Variants in SESTD1 observed in about 807,000 individuals in gnomAD.
SESTD1 encodes the protein SEC14 domain and spectrin repeat-containing protein 1.
Under a neutral mutation model 101.7 loss-of-function variants are expected in SESTD1, and 43 were observed. That is an observed-to-expected ratio of 0.42 (90% CI 0.33 to 0.55). The LOEUF (loss-of-function observed/expected upper bound fraction) is 0.55. Ranked by LOEUF, SESTD1 falls within the 20% of genes least tolerant of loss-of-function variation. The pLI, the probability that SESTD1 is intolerant of heterozygous loss-of-function variation, is 0.07. For synonymous variants in SESTD1, 283 were observed against 286.8 expected (o/e 0.99, Z 0.13); for missense variants, 647 against 815.1 (o/e 0.79, Z 2.51).
chr2:179,235,313 T>C (rs193061884), intron 1 of SESTD1, among the ~76,000 whole-genome samples: 34 of 152,350 alleles, frequency 2.2e-4, no homozygotes, highest in Admixed American at 2.2e-3. Flanking sequence ...AAACAAATAC[T>C]GTCTCATGAA....
intron 1 of SESTD1, among the ~76,000 whole-genome samples, chr2:179,238,460 G>A (rs1391583123): frequency 6.6e-6 from 1 of 152,018 alleles, no homozygotes; most frequent in Non-Finnish European, 1.5e-5. Flanking sequence ...AAAAGTTACA[G>A]CTTATACATT....
intron 1 of SESTD1, among the ~76,000 whole-genome samples, chr2:179,227,100 T>C (rs1416189049): frequency 6.6e-6 from 1 of 152,236 alleles, no homozygotes; most frequent in African/African-American, 2.4e-5. Flanking sequence ...TAAAGCCTTC[T>C]TTATGCTGAG....
chr2:179,112,005 C>T (rs1350031331), intron 17 of SESTD1, among the ~76,000 whole-genome samples: 2 of 152,222 alleles, frequency 1.3e-5, no homozygotes, highest in Non-Finnish European at 2.9e-5. Flanking sequence ...AGGCGTGAGC[C>T]ACCACGCCCG....
In SESTD1 at chr2:179,205,070, C is replaced by T. The variant is rs1466666021; in HGVS notation, c.-25-13204G>A. Reference sequence around the variant, plus strand: ...CTTCTCATCAATTCTGTAAATTATACAAAATAAATCCCTTTTCTCCTTAAG... The same window carrying T: ...CTTCTCATCAATTCTGTAAATTATATAAAATAAATCCCTTTTCTCCTTAAG... On this transcript the variant is annotated intron_variant, in intron 1 of 17. Transcript: ENST00000428443. Among the ~76,000 whole-genome samples the T allele has an allele frequency of 1.5e-5, 2 of 134,394 alleles. 1 individual carries two copies. The highest frequency in any genetic ancestry group is 3.2e-5 in the Non-Finnish European group (2 of 62,642). 88.2% of individuals were successfully genotyped at this position (134,394 alleles called of 152,430 possible).
intron 10 of SESTD1, among the ~76,000 whole-genome samples, chr2:179,131,043 GTA>G (rs2045001656): frequency 6.7e-6 from 1 of 148,326 alleles, no homozygotes; most frequent in Non-Finnish European, 1.5e-5. Context: ...TTTTTTACAA[GTA>G]CTAATTAGAA....
Position 179,213,821 on chromosome 2 carries a change from A to G in SESTD1, c.-25-21955T>C, listed in dbSNP as rs910079920. Among the ~76,000 whole-genome samples the G allele has an allele frequency of 4.4e-5, 6 of 135,610 alleles. 2 individuals are homozygous for G. The highest frequency in any genetic ancestry group is 7.9e-5 in the Non-Finnish European group (5 of 62,968). The allele number at this position is 135,610 out of a possible 152,430, so 89.0% of individuals were successfully genotyped here. A position where few individuals can be genotyped will look rare whatever the true frequency, so the allele number is the denominator to read the frequency against. Reference sequence around the variant, plus strand: ...ACAAGCCAGAAAAGAGTGGGGGACAATATTCACCATTCTTAAAGAAAAGAA... The same window carrying G: ...ACAAGCCAGAAAAGAGTGGGGGACAGTATTCACCATTCTTAAAGAAAAGAA... On this transcript the variant is annotated intron_variant, in intron 1 of 17. Transcript: ENST00000428443.
intron 1 of SESTD1, among the ~76,000 whole-genome samples, chr2:179,256,069 G>A (rs539855619): frequency 6.6e-6 from 1 of 152,238 alleles, no homozygotes; most frequent in African/African-American, 2.4e-5. Flanking sequence ...CATTGGCAAT[G>A]CACCTGGTCA....
intron 1 of SESTD1, among the ~76,000 whole-genome samples, chr2:179,193,337 C>T (rs903523764): frequency 6.6e-6 from 1 of 152,074 alleles, no homozygotes; most frequent in African/African-American, 2.4e-5. Context: ...TGAATATTTG[C>T]GATTTGTTTA....
chr2:179,134,178 T>C (rs1202682963), intron 9 of SESTD1, among the ~76,000 whole-genome samples: 1 of 152,158 alleles, frequency 6.6e-6, no homozygotes, highest in African/African-American at 2.4e-5. Context: ...CCATATTCTA[T>C]TTCCTTCCAT....
intron 10 of SESTD1, among the ~76,000 whole-genome samples, chr2:179,130,864 A>C (rs950089966): frequency 3.3e-5 from 5 of 152,096 alleles, no homozygotes; most frequent in African/African-American, 1.2e-4. Flanking sequence ...CCATGTTAAA[A>C]AAAAAATCAA....
intron 9 of SESTD1, among the ~76,000 whole-genome samples, chr2:179,140,749 T>C (rs1455876176): frequency 2.0e-5 from 3 of 152,192 alleles, no homozygotes; most frequent in East Asian, 1.9e-4. Flanking sequence ...GCCTTGCCAC[T>C]CCATGCCCTG....
chr2:179,110,184 A>C (rs1467833641), intron 17 of SESTD1, among the ~76,000 whole-genome samples, 156 bp from the exon 18 acceptor site: 1 of 152,228 alleles, frequency 6.6e-6, no homozygotes, highest in African/African-American at 2.4e-5. Context: ...TGAGCAGGAA[A>C]TTCAGCAGGA....
intron 2 of SESTD1, among the ~76,000 whole-genome samples, chr2:179,191,377 T>C (rs371969171): frequency 4.6e-5 from 7 of 151,964 alleles, no homozygotes; most frequent in Admixed American, 1.3e-4. Flanking sequence ...GAGCCAAACA[T>C]TGGGCACACA....
chr2:179,169,917 T>C (rs891226807), intron 5 of SESTD1, among the ~76,000 whole-genome samples: 1 of 147,720 alleles, frequency 6.8e-6, no homozygotes, highest in South Asian at 2.1e-4. Context: ...GAGGTTGCAG[T>C]GAGCCGAGGT....
chr2:179,192,930 T>C (rs745963542), intron 1 of SESTD1, among the ~76,000 whole-genome samples: 1 of 152,204 alleles, frequency 6.6e-6, no homozygotes, highest in African/African-American at 2.4e-5. Flanking sequence ...TGTGAAATTT[T>C]ATTGTATTTA....
chr2:179,112,563 G>A (rs1260300907), intron 17 of SESTD1, among the ~76,000 whole-genome samples, 161 bp downstream of exon 17: 1 of 152,154 alleles, frequency 6.6e-6, no homozygotes, highest in Non-Finnish European at 1.5e-5. Flanking sequence ...GTGGCTAAGA[G>A]GTGTGGATTT....
rs565124955 is a variant in SESTD1 at position 179,259,053 on chromosome 2, G to A, written c.-26+5446C>T. ...TCCCAGGAGTGAATACTTGTAATGA[G>A]CCAAAGAATATTCCCAGGACTGGGG... On this transcript the variant is annotated intron_variant, in intron 1 of 17. Coordinates refer to ENST00000428443, the MANE Select transcript of SESTD1 (RefSeq NM_178123.5). Among the ~76,000 whole-genome samples the A allele has an allele frequency of 3.0e-3, 454 of 152,302 alleles. 5 individuals carry two copies. The highest frequency in any genetic ancestry group is 0.011 in the African/African-American group (437 of 41,568).
At chr2:179,180,263 TTTC>T (rs1363463667) in intron 3 of SESTD1, among the ~76,000 whole-genome samples, 1 of 152,216 alleles carries the variant, frequency 6.6e-6, no homozygotes, top group East Asian at 1.9e-4. Flanking sequence ...AATTGAGTAA[TTTC>T]TTTTTATTTT....
intron 1 of SESTD1, among the ~76,000 whole-genome samples, chr2:179,229,753 A>G (rs1310304673): frequency 3.3e-5 from 4 of 122,204 alleles, no homozygotes; most frequent in Admixed American, 8.1e-5. Flanking sequence ...AAGAACTTAT[A>G]TATATATATA....
Sources: allele counts gnomAD v4.1 joint callset (sites outside exome capture counted in the v4.1 genomes callset), GRCh38; gene constraint gnomAD v4.1.1; transcripts MANE v1.5; gene names NCBI Gene and HGNC (gene_info 2026-07-23, HGNC 2026-07-21).